The following FCRL3 variants were observed in gnomAD, a reference collection of about 807,000 sequenced individuals.
The protein encoded by FCRL3 is Fc receptor like 3.
A neutral mutation model predicts 75.0 loss-of-function variants in FCRL3; 89 were observed. That is an observed-to-expected ratio of 1.19 (90% CI 1.00 to 1.42). The LOEUF is 1.42. Ranked by LOEUF, FCRL3 falls within the 40% of genes most tolerant of loss-of-function variation. FCRL3 has a pLI of 0.00. For missense variants in FCRL3, 946 were observed against 880.0 expected, an observed-to-expected ratio of 1.07 and a Z score of -0.95; for synonymous variants, 376 against 348.5, an observed-to-expected ratio of 1.08 and a Z score of -0.88.
Position 157,697,419 on chromosome 1 carries a change from A to C in FCRL3, c.565T>G (p.Phe189Val). The C allele has an allele frequency of 6.5e-7, 1 of 1,538,278 alleles. No homozygotes were observed. Among genetic ancestry groups the C allele is most frequent in the Non-Finnish European group, 8.7e-7 (1 of 1,147,414 alleles). Residue 189 changes from phenylalanine to valine, a missense_variant, in exon 6 of 15, where the codon TTT (phenylalanine) becomes GTT (valine). Coordinates refer to ENST00000368184, the MANE Select transcript of FCRL3 (RefSeq NM_052939.4). The stretch of plus-strand genomic sequence containing the variant: ...CTGGCTCTCAGCACAGGATGTAGAA[A>C]CAGCTCTAATGAAAAGAAACAACAT... The part of the protein sequence containing the change: ...KPLNIQVQEL[F>V]LHPVLRASSS...
intron 8 of FCRL3, among the ~76,000 whole-genome samples, chr1:157,690,770 T>C (rs1319277035): frequency 6.6e-6 from 1 of 152,198 alleles, no homozygotes; most frequent in Non-Finnish European, 1.5e-5. Context: ...TGATACATTA[T>C]ATCTCAAGCT....
intron 13 of FCRL3, among the ~76,000 whole-genome samples, chr1:157,680,149 G>A (rs556642740): frequency 1.3e-5 from 2 of 152,240 alleles, no homozygotes; most frequent in East Asian, 3.9e-4. Flanking sequence ...TGAGCACCAA[G>A]CATAAAGGTG....
rs779844647 is a variant in FCRL3, at chr1:157,697,745, T to A, written c.473A>T (p.Asn158Ile). The A allele has an allele frequency of 3.1e-6, 5 of 1,614,036 alleles. No homozygotes were observed. The highest frequency in any genetic ancestry group is 4.2e-6 in the Non-Finnish European group (5 of 1,179,900). Residue 158 changes from asparagine (N) to isoleucine (I), a missense_variant, in exon 5 of 15, where the codon AAT (asparagine) becomes ATT (isoleucine). Transcript: ENST00000368184. ...ATAAGCAGTACAATGATATTTGCTATTATCCCTGGAGACTGAATTCACTGT... is the reference window on the plus strand; with the variant it reads ...ATAAGCAGTACAATGATATTTGCTAATATCCCTGGAGACTGAATTCACTGT... ...KITVNSVSRD[N>I]SKYHCTAYRK...
Position 157,697,781 on chromosome 1 carries a change from A to G in FCRL3, c.437T>C (p.Leu146Ser), listed in dbSNP as rs140499647. 48 of 1,614,152 alleles carry G rather than the reference A, an allele frequency of 3.0e-5. No homozygotes were observed. In the African/African-American group the frequency reaches 6.3e-4, roughly 21 times the overall value. ...DGKQLPNSYN[L>S]EKITVNSVSR... Reference sequence around the variant, plus strand: ...GACTGAATTCACTGTGATCTTCTCTAAATTATAACTATTAGGAAGCTGTTT... The same window carrying G: ...GACTGAATTCACTGTGATCTTCTCTGAATTATAACTATTAGGAAGCTGTTT... The change falls in exon 5 of 15, where the codon TTA becomes TCA. Residue 146 changes from leucine (L) to serine (S), a missense_variant. Physicochemically the swap from Leu to Ser is moderately radical, Grantham distance 145. Transcript: ENST00000368184.
chr1:157,680,881 T>A lies in FCRL3; in HGVS notation c.1957+100A>T, dbSNP rs988851034. 9.7e-6 allele frequency: 14 copies of A among 1,437,224 alleles called. No individual in the cohort carries two copies. The East Asian group carries it at 2.3e-4, about 23-fold the overall frequency. The allele number at this position is 1,437,224 out of a possible 1,614,324, so 89.0% of individuals were successfully genotyped here. A position where few individuals can be genotyped will look rare whatever the true frequency, so the allele number is the denominator to read the frequency against. On this transcript the variant is annotated intron_variant, in intron 12 of 14. Transcript: ENST00000368184. Reference sequence around the variant, plus strand: ...TCTATTCCCAGTGTAATGCTAGGAATGTCATTTTTAAATTTGTGACAGGGC... The same window carrying A: ...TCTATTCCCAGTGTAATGCTAGGAAAGTCATTTTTAAATTTGTGACAGGGC...
chr1:157,680,701 C>G lies in FCRL3; in HGVS notation c.2026+1G>C, dbSNP rs762711634. 43 of 1,613,774 alleles carry G rather than the reference C, an allele frequency of 2.7e-5. No individual in the cohort carries two copies. The South Asian group carries it at 4.6e-4, about 17-fold the overall frequency. On this transcript the variant is annotated splice_donor_variant, in intron 13 of 14. Coordinates refer to ENST00000368184, the MANE Select transcript of FCRL3 (RefSeq NM_052939.4). LOFTEE classifies it high-confidence loss of function. ...CTCTATTTGCCTGAAAGGCATCTTA[C>G]CTGAGTTTTCTTTTGTATGCTGGAT...
chr1:157,700,390 C>A (rs1278516629), intron 2 of FCRL3, 69 bp downstream of exon 2: 7 of 1,609,942 alleles, frequency 4.3e-6, no homozygotes, highest in Non-Finnish European at 5.9e-6. Flanking sequence ...GAGATAGAAG[C>A]TCCTTGAGTT....
chr1:157,690,182 A>C, intron 9 of FCRL3, 73 bp downstream of exon 9: 1 of 1,562,294 alleles, frequency 6.4e-7, no homozygotes, highest in Non-Finnish European at 8.7e-7. Context: ...TGCTAGTAGA[A>C]TTTGTACAAT....
At chr1:157,697,451 C>T (rs1656006270) in intron 5 of FCRL3, 27 bp from the exon 6 acceptor site, 1 of 1,526,398 alleles carries the variant, frequency 6.6e-7, no homozygotes, top group African/African-American at 1.4e-5. Context: ...ACATAGTCTC[C>T]AGGGTGGTGA....
At position 157,678,141 on chromosome 1, in the gene FCRL3, A is replaced by G; in HGVS notation, c.*569T>C. 1 of 986,146 alleles carries G rather than the reference A, an allele frequency of 1.0e-6. No individual in the cohort carries two copies. Among genetic ancestry groups the G allele is most frequent in the Non-Finnish European group, 1.2e-6 (1 of 830,508 alleles). The allele number at this position is 986,146 out of a possible 1,614,324, so 61.1% of individuals were successfully genotyped here. A position where few individuals can be genotyped will look rare whatever the true frequency, so the allele number is the denominator to read the frequency against. On this transcript the variant is annotated 3_prime_UTR_variant, in exon 15 of 15. Coordinates refer to ENST00000368184, the MANE Select transcript of FCRL3 (RefSeq NM_052939.4). ...GCTGAAGTTATTTTTCATCATAACT[A>G]GGGTAATTTGGTTGGGAATGTCACC...
At position 157,690,285 on chromosome 1, in the gene FCRL3, G is replaced by A. The variant is rs752821082; in HGVS notation, c.1660C>T (p.His554Tyr). ...ACATTGAGTGTCACCACTTTACTGT[G>A]CTGGGCCCCCAGGCCATTGTCAGCC... ...CEADNGLGAQ[H>Y]SKVVTLNVTG... The change falls in exon 9 of 15, where the codon CAC becomes TAC. Residue 554 changes from histidine to tyrosine, a missense_variant. Physicochemically the swap from His to Tyr is moderately conservative, Grantham distance 83 (BLOSUM62 2). Transcript: ENST00000368184. 6.2e-7 allele frequency: 1 copy of A among 1,614,240 alleles called. No individual in the cohort carries two copies. Among genetic ancestry groups the A allele is most frequent in the South Asian group, 1.1e-5 (1 of 91,088 alleles).
Position 157,696,226 on chromosome 1 carries a change from C to A in FCRL3, c.946G>T (p.Gly316Trp), listed in dbSNP as rs955354738. The A allele has an allele frequency of 1.2e-6, 2 of 1,613,912 alleles. No individual in the cohort carries two copies. The highest frequency in any genetic ancestry group is 3.3e-5 in the Admixed American group (2 of 59,986). ...TTGTGCCAGGAGAATGTGACAGTCC[C>A]TGAACCCTGGGCTACTGAGCAAATA... is the stretch of plus-strand genomic sequence containing the variant. ...VLICSVAQGS[G>W]TVTFSWHKEG... The change falls in exon 7 of 15, where the codon GGG becomes TGG. Residue 316 changes from glycine (G) to tryptophan (W), a missense_variant. Coordinates refer to ENST00000368184, the MANE Select transcript of FCRL3 (RefSeq NM_052939.4).
chr1:157,684,232 A>C (rs760362218), intron 10 of FCRL3, among the ~76,000 whole-genome samples: 6 of 152,202 alleles, frequency 3.9e-5, no homozygotes, highest in Admixed American at 6.5e-5. Flanking sequence ...GGCTTGCCCC[A>C]ATACAAGCCT....
chr1:157,691,302 C>G (rs1293216044), intron 8 of FCRL3, among the ~76,000 whole-genome samples: 1 of 152,172 alleles, frequency 6.6e-6, no homozygotes, highest in African/African-American at 2.4e-5. Flanking sequence ...CGAATGTTAA[C>G]TGTAAGATTG....
intron 12 of FCRL3, 96 bp from the exon 13 acceptor site, chr1:157,680,866 G>T (rs963836536): frequency 1.4e-6 from 2 of 1,448,064 alleles, no homozygotes; most frequent in Non-Finnish European, 1.9e-6. Context: ...TCTATTCCCA[G>T]TGTAATGCTA....
Position 157,699,709 on chromosome 1 carries a change from G to A in FCRL3, c.35C>T (p.Pro12Leu). 6.2e-7 allele frequency: 1 copy of A among 1,613,438 alleles called. No homozygotes were observed. Among genetic ancestry groups the A allele is most frequent in the South Asian group, 1.1e-5 (1 of 90,914 alleles). Residue 12 changes from proline to leucine, a missense_variant, in exon 3 of 15, where the codon CCT (proline) becomes CTT (leucine). Transcript: ENST00000368184. Reference protein sequence around the residue: ...LLWLLLLILTPGREQSGVAPK... With the variant: ...LLWLLLLILTLGREQSGVAPK... ...AAACTTACCTGATTGTTCTCTTCCA[G>A]GAGCTGTGAGGGAGCAGAAAATGAC...
chr1:157,679,901 T>C (rs551453677), intron 13 of FCRL3, among the ~76,000 whole-genome samples: 1 of 148,244 alleles, frequency 6.7e-6, no homozygotes, highest in South Asian at 2.1e-4. Context: ...TCCTATAATT[T>C]TGAAGGGGAG....
intron 10 of FCRL3, 65 bp downstream of exon 10, chr1:157,689,733 C>A: frequency 6.2e-7 from 1 of 1,604,370 alleles, no homozygotes; most frequent in Non-Finnish European, 8.5e-7. Context: ...TAGGGTGCAC[C>A]AGACAACTTC....
intron 6 of FCRL3, chr1:157,696,925 G>A (rs1655947177): frequency 7.8e-6 from 3 of 385,442 alleles, no homozygotes; most frequent in Admixed American, 8.6e-5. Flanking sequence ...ATAGGGTTGG[G>A]CAATCAGTAA....
Sources: allele counts gnomAD v4.1 joint callset (sites outside exome capture counted in the v4.1 genomes callset), GRCh38; gene constraint gnomAD v4.1.1; transcripts MANE v1.5; gene names NCBI Gene and HGNC (gene_info 2026-07-23, HGNC 2026-07-21).